Variants in MICU1 observed in about 807,000 individuals in gnomAD.
The protein encoded by MICU1 is calcium uptake protein 1, mitochondrial.
MICU1 carries 45 observed loss-of-function variants against 56.8 expected under a neutral mutation model. The observed-to-expected ratio is 0.79, with a 90% CI of 0.62 to 1.02. MICU1 has a LOEUF of 1.02. Among genes scored for constraint, MICU1 ranks in the 50% least tolerant of loss-of-function variants. The pLI is 0.00. For synonymous variants in MICU1, 186 were observed against 195.1 expected, an observed-to-expected ratio of 0.95 and a Z score of 0.39; for missense variants, 504 against 587.1, an observed-to-expected ratio of 0.86 and a Z score of 1.46.
intron 8 of MICU1, among the ~76,000 whole-genome samples, chr10:72,424,850 G>T (rs1864296451): frequency 2.0e-5 from 3 of 152,104 alleles, no homozygotes; most frequent in African/African-American, 7.2e-5. Flanking sequence ...CAGCCATGGG[G>T]CTTAGTCACA....
At chr10:72,371,786 T>C (rs929379427) in intron 11 of MICU1, among the ~76,000 whole-genome samples, 4 of 152,054 alleles carry the variant, frequency 2.6e-5, no homozygotes, top group Non-Finnish European at 5.9e-5. Flanking sequence ...TGGGGCATAG[T>C]GGCTCACACC....
At chr10:72,434,306 A>T (rs1864639937) in intron 8 of MICU1, among the ~76,000 whole-genome samples, 1 of 152,162 alleles carries the variant, frequency 6.6e-6, no homozygotes, top group Non-Finnish European at 1.5e-5. Context: ...ATTTTAAATT[A>T]CATAAAACTT....
At chr10:72,462,028 G>C (rs1222205463) in intron 8 of MICU1, among the ~76,000 whole-genome samples, 1 of 152,134 alleles carries the variant, frequency 6.6e-6, no homozygotes, top group Non-Finnish European at 1.5e-5. Flanking sequence ...TTTATCATGT[G>C]TGAGACTTTG....
At chr10:72,492,760 C>T (rs1261163858) in intron 6 of MICU1, among the ~76,000 whole-genome samples, 1 of 106,400 alleles carries the variant, frequency 9.4e-6, no homozygotes, top group African/African-American at 3.8e-5. Context: ...AAGACTCTGT[C>T]TCAAAATAAA....
rs557940331 is a variant in MICU1 at position 72,438,685 on chromosome 10, C to T, written c.934-15314G>A. Among the ~76,000 whole-genome samples the T allele has an allele frequency of 3.9e-5, 6 of 152,096 alleles. No homozygotes were observed. In the South Asian group the frequency reaches 1.2e-3, roughly 32 times the overall value. ...AATAAAGAAGAAAAGAAAGAAGAAT[C>T]AAATAGATACAATAGAAAATGATAA... On this transcript the variant is annotated intron_variant, in intron 8 of 11. Transcript: ENST00000361114.
intron 1 of MICU1, among the ~76,000 whole-genome samples, chr10:72,625,502 T>TA (rs1367500532): frequency 1.3e-5 from 2 of 152,196 alleles, no homozygotes; most frequent in Non-Finnish European, 2.9e-5. Flanking sequence ...CTGGAAAAGA[T>TA]AAAAACTGAA....
At chr10:72,575,972 G>A (rs1840731483) in intron 1 of MICU1, among the ~76,000 whole-genome samples, 1 of 152,166 alleles carries the variant, frequency 6.6e-6, no homozygotes, top group South Asian at 2.1e-4. Flanking sequence ...CCAGCACTTT[G>A]GGAGGCTGAG....
Position 72,566,701 on chromosome 10 carries a change from T to A in MICU1, c.93A>T (p.Arg31=). Reference sequence around the variant, plus strand: ...CCAGGAAAGCCACCATCATTAGTCTTCGCCGGATCTGGATGGGCTGTGATC... The same window carrying A: ...CCAGGAAAGCCACCATCATTAGTCTACGCCGGATCTGGATGGGCTGTGATC... The part of the protein sequence containing the change: ...HGGSQPIQIR[R]RLMMVAFLGA... The change falls in exon 2 of 12, where the codon CGA becomes CGT. Residue 31 remains arginine, a synonymous_variant. Transcript: ENST00000361114. The A allele has an allele frequency of 6.2e-7, 1 of 1,612,888 alleles. No individual in the cohort carries two copies. Among genetic ancestry groups the A allele is most frequent in the Non-Finnish European group, 8.5e-7 (1 of 1,179,440 alleles).
chr10:72,615,655 A>G (rs1044813681), intron 1 of MICU1, among the ~76,000 whole-genome samples: 1 of 152,060 alleles, frequency 6.6e-6, no homozygotes, highest in Non-Finnish European at 1.5e-5. Context: ...CCGAAAGTTC[A>G]GTTTGAGTTT....
chr10:72,379,798 T>C (rs1450488600), intron 10 of MICU1, among the ~76,000 whole-genome samples: 2 of 152,164 alleles, frequency 1.3e-5, no homozygotes, highest in African/African-American at 4.8e-5. Context: ...GTGTCCTTCC[T>C]ACCATAGGAG....
intron 3 of MICU1, 33 bp downstream of exon 3, chr10:72,562,862 C>T: frequency 6.6e-7 from 1 of 1,504,190 alleles, no homozygotes; most frequent in Non-Finnish European, 8.9e-7. Context: ...TTAAGATATA[C>T]TTCTGATCAA....
At chr10:72,524,782 A>G in intron 5 of MICU1, 1 of 1,219,988 alleles carries the variant, frequency 8.2e-7, no homozygotes, top group Non-Finnish European at 1.0e-6. Flanking sequence ...AAACATTGAC[A>G]TTGTTTGATT....
chr10:72,620,461 C>T (rs1842078274), intron 1 of MICU1, among the ~76,000 whole-genome samples: 1 of 152,194 alleles, frequency 6.6e-6, no homozygotes, highest in African/African-American at 2.4e-5. Flanking sequence ...ACTGGGATTA[C>T]AGGCATGAGC....
At chr10:72,401,301 G>C (rs993638464) in intron 10 of MICU1, among the ~76,000 whole-genome samples, 1 of 152,160 alleles carries the variant, frequency 6.6e-6, no homozygotes, top group Non-Finnish European at 1.5e-5. Context: ...TATACAATGT[G>C]ATGTTTTGAC....
chr10:72,421,827 C>T (rs1337282166), intron 9 of MICU1, among the ~76,000 whole-genome samples: 1 of 152,196 alleles, frequency 6.6e-6, no homozygotes, highest in Non-Finnish European at 1.5e-5. Context: ...TCACTACTCA[C>T]AACTATTTAA....
intron 11 of MICU1, among the ~76,000 whole-genome samples, chr10:72,369,584 G>A (rs1360054490): frequency 6.6e-6 from 1 of 152,114 alleles, no homozygotes; most frequent in Non-Finnish European, 1.5e-5. Flanking sequence ...GTTTCGTGGT[G>A]AAAACCAAAA....
At chr10:72,600,339 G>A (rs375883203) in intron 1 of MICU1, among the ~76,000 whole-genome samples, 3 of 149,042 alleles carry the variant, frequency 2.0e-5, no homozygotes, top group Non-Finnish European at 4.5e-5. Flanking sequence ...TCTTCTTTCT[G>A]TGGAATTGTG....
At chr10:72,569,237 A>ATATATATATTTTTTTTTTTTTTTT in intron 1 of MICU1, among the ~76,000 whole-genome samples, 1 of 34,392 alleles carries the variant, frequency 2.9e-5, no homozygotes, top group African/African-American at 1.1e-4. Context: ...ATATATATAT[A>ATATATATATTTTTTTTTTTTTTTT]TTTTTTTTTT....
chr10:72,378,226 C>T (rs1181665447), intron 10 of MICU1, among the ~76,000 whole-genome samples: 1 of 152,188 alleles, frequency 6.6e-6, no homozygotes, highest in Non-Finnish European at 1.5e-5. Context: ...GCACTCCAGC[C>T]TCGGTTACAG....
Sources: allele counts gnomAD v4.1 joint callset (sites outside exome capture counted in the v4.1 genomes callset), GRCh38; gene constraint gnomAD v4.1.1; transcripts MANE v1.5; gene names NCBI Gene and HGNC (gene_info 2026-07-23, HGNC 2026-07-21).